SLC9A2: variants seen among roughly 807,000 people sequenced by gnomAD.
SLC9A2 encodes solute carrier family 9 member A2.
SLC9A2 carries 42 observed loss-of-function variants against 71.7 expected under a neutral mutation model. The observed-to-expected ratio is 0.59, with a 90% CI of 0.46 to 0.76. The LOEUF (loss-of-function observed/expected upper bound fraction) is 0.76. Ranked by LOEUF, SLC9A2 falls within the 30% of genes least tolerant of loss-of-function variation. The pLI, the probability that SLC9A2 is intolerant of heterozygous loss-of-function variation, is 0.00. For synonymous variants in SLC9A2, 396 were observed against 392.5 expected, an observed-to-expected ratio of 1.01 and a Z score of -0.10; for missense variants, 829 against 1,017.4, an observed-to-expected ratio of 0.81 and a Z score of 2.52.
intron 1 of SLC9A2, among the ~76,000 whole-genome samples, chr2:102,623,826 ACAGGCTGTC>A (rs1217900093): frequency 1.3e-5 from 2 of 152,196 alleles, no homozygotes; most frequent in Non-Finnish European, 1.5e-5. Context: ...GGTTAAATTA[ACAGGCTGTC>A]CAAAGTGGAG....
intron 2 of SLC9A2, 127 bp from the exon 3 acceptor site, chr2:102,664,973 T>C: frequency 1.0e-6 from 1 of 982,338 alleles, no homozygotes; most frequent in Non-Finnish European, 1.5e-6. Context: ...ACAATGATTG[T>C]CATTTTCCTA....
intron 5 of SLC9A2, among the ~76,000 whole-genome samples, chr2:102,690,970 A>ATTC (rs1677649212): frequency 4.4e-4 from 7 of 15,882 alleles, no homozygotes; most frequent in Admixed American, 2.3e-3. Flanking sequence ...ATTTTCTTCA[A>ATTC]AAAAAAAAAA....
chr2:102,652,689 G>A (rs925144172), intron 1 of SLC9A2, among the ~76,000 whole-genome samples: 25 of 152,144 alleles, frequency 1.6e-4, no homozygotes, highest in African/African-American at 6.0e-4. Flanking sequence ...TAACAGAAAA[G>A]TCTTGGCCAA....
chr2:102,703,218 A>G (rs1206066510), intron 9 of SLC9A2, among the ~76,000 whole-genome samples: 3 of 152,194 alleles, frequency 2.0e-5, no homozygotes, highest in South Asian at 4.1e-4. Flanking sequence ...TTTTTCCTAC[A>G]GTACCTTTTA....
intron 1 of SLC9A2, among the ~76,000 whole-genome samples, chr2:102,646,008 C>T (rs1341980999): frequency 6.6e-6 from 1 of 152,146 alleles, no homozygotes; most frequent in African/African-American, 2.4e-5. Context: ...TCATCAGATT[C>T]ACCAAGGTTG....
chr2:102,684,247 G>A lies in SLC9A2; in HGVS notation c.1336G>A (p.Val446Met). The A allele has an allele frequency of 6.2e-7, 1 of 1,614,142 alleles. No individual in the cohort carries two copies. Among genetic ancestry groups the A allele is most frequent in the South Asian group, 1.1e-5 (1 of 91,076 alleles). The change falls in exon 5 of 12, where the codon GTG (valine) becomes ATG (methionine). Residue 446 changes from valine to methionine, a missense_variant. This residue lies in a region of SLC9A2 where 500 missense variants were observed against 726.3 expected (regional missense o/e 0.69). Transcript: ENST00000233969. ...GLRGAICFAL[V>M]FLLPAAVFPR... is the part of the protein sequence containing the mutation. ...TCGAGGTGCCATCTGTTTTGCGTTA[G>A]TGTTTCTCCTTCCTGCTGCTGTGTT... is the stretch of plus-strand genomic sequence containing the variant.
intron 3 of SLC9A2, among the ~76,000 whole-genome samples, chr2:102,667,042 C>T (rs1166225457): frequency 6.6e-6 from 1 of 152,152 alleles, no homozygotes; most frequent in African/African-American, 2.4e-5. Flanking sequence ...TGGAGGAAGT[C>T]GAAGACCCCC....
At chr2:102,681,239 A>C (rs1677447519) in intron 3 of SLC9A2, among the ~76,000 whole-genome samples, 3 of 152,160 alleles carry the variant, frequency 2.0e-5, no homozygotes, top group African/African-American at 7.2e-5. Context: ...AGTCTTCCAC[A>C]GTGCTGGCTT....
chr2:102,657,413 C>T (rs1676964789), intron 1 of SLC9A2, 151 bp from the exon 2 acceptor site: 2 of 607,772 alleles, frequency 3.3e-6, no homozygotes, highest in South Asian at 2.1e-5. Context: ...CTCTGGTTTG[C>T]ACTGTAATCT....
chr2:102,678,107 G>GTA (rs1677376235), intron 3 of SLC9A2, among the ~76,000 whole-genome samples: 1 of 152,106 alleles, frequency 6.6e-6, no homozygotes, highest in South Asian at 2.1e-4. Flanking sequence ...CACTTCTATA[G>GTA]TATCTTCCCT....
rs1678052013 is a variant in SLC9A2, at chr2:102,709,184, TTGG to T, written c.*696_*698del. The T allele has an allele frequency of 6.6e-6, 1 of 152,452 alleles. No individual in the cohort carries two copies. The highest frequency in any genetic ancestry group is 2.4e-5 in the African/African-American group (1 of 41,458). The allele number at this position is 152,452 out of a possible 1,614,324, so 9.4% of individuals were successfully genotyped here. ...ACTTGTTCCTCTGTCTACTGTGTGT[TTGG>T]GGGTGACATCTAAATTCCATTTCTT... On this transcript the variant is annotated 3_prime_UTR_variant, in exon 12 of 12. Transcript: ENST00000233969.
intron 1 of SLC9A2, among the ~76,000 whole-genome samples, chr2:102,655,704 A>C (rs549926321): frequency 6.6e-6 from 1 of 152,342 alleles, no homozygotes; most frequent in South Asian, 2.1e-4. Flanking sequence ...TCTATAATTC[A>C]GATAAATTTC....
In SLC9A2 at chr2:102,706,356, A is replaced by AG. The variant is rs1390038548; in HGVS notation, c.2068+420_2068+421insG. Among the ~76,000 whole-genome samples the AG allele has an allele frequency of 2.3e-4, 2 of 8,598 alleles. 1 individual carries two copies. The highest frequency in any genetic ancestry group is 3.0e-3 in the Admixed American group (2 of 662). 5.6% of individuals were successfully genotyped at this position (8,598 alleles called of 152,430 possible). A position where few individuals can be genotyped will look rare whatever the true frequency, so the allele number is the denominator to read the frequency against. ...AAAAAAAAAAAAAAAAAGAAAAAAA[A>AG]AAAAAGAATGAGTTCCAATGAGAAC... On this transcript the variant is annotated intron_variant, in intron 11 of 11. Coordinates refer to ENST00000233969, the MANE Select transcript of SLC9A2 (RefSeq NM_003048.6).
intron 3 of SLC9A2, among the ~76,000 whole-genome samples, chr2:102,672,532 C>G (rs893605046): frequency 6.6e-6 from 1 of 152,074 alleles, no homozygotes; most frequent in African/African-American, 2.4e-5. Context: ...TTATAAAGAC[C>G]ATTTCTTTGA....
At chr2:102,643,230 A>G (rs1199251043) in intron 1 of SLC9A2, among the ~76,000 whole-genome samples, 1 of 152,044 alleles carries the variant, frequency 6.6e-6, no homozygotes, top group Non-Finnish European at 1.5e-5. Context: ...GGGAGTGCTC[A>G]TTATCACCCA....
At chr2:102,656,561 T>A (rs1573410968) in intron 1 of SLC9A2, among the ~76,000 whole-genome samples, 1 of 152,222 alleles carries the variant, frequency 6.6e-6, no homozygotes, top group African/African-American at 2.4e-5. Flanking sequence ...CATGTTTATA[T>A]CCCTCATAGA....
At chr2:102,701,350 C>G in intron 8 of SLC9A2, 119 bp downstream of exon 8, 1 of 771,420 alleles carries the variant, frequency 1.3e-6, no homozygotes, top group Admixed American at 3.5e-5. Context: ...CCTCGGCCTC[C>G]CAGAGTGCTG....
At chr2:102,675,472 G>C (rs980293892) in intron 3 of SLC9A2, among the ~76,000 whole-genome samples, 3 of 152,172 alleles carry the variant, frequency 2.0e-5, no homozygotes, top group Non-Finnish European at 2.9e-5. Flanking sequence ...ACTTACAACT[G>C]ATAAAGTTTT....
At chr2:102,705,760 G>T in intron 10 of SLC9A2, 86 bp from the exon 11 acceptor site, 1 of 720,666 alleles carries the variant, frequency 1.4e-6, no homozygotes, top group Non-Finnish European at 2.2e-6. Context: ...TTTTTAACAT[G>T]AAGTTTTGCT....
Sources: gnomAD v4.1 joint callset for allele counts (sites outside exome capture counted in the v4.1 genomes callset) on GRCh38, gnomAD v4.1.1 for gene constraint, gnomAD v4.1.1 regional missense constraint, MANE v1.5 for transcripts, NCBI Gene and HGNC (gene_info 2026-07-23, HGNC 2026-07-21) for gene names.